The following RIMKLB variants were observed in gnomAD, a reference collection of about 807,000 sequenced individuals.
RIMKLB encodes the protein beta-citrylglutamate synthase B.
Under a neutral mutation model 32.0 loss-of-function variants are expected in RIMKLB, and 7 were observed. The ratio of observed to expected loss-of-function variants is 0.22; its 90% CI spans 0.12 to 0.41. The LOEUF is 0.41. Among genes scored for constraint, RIMKLB ranks in the 10% least tolerant of loss-of-function variants. The pLI is 1.00. For missense variants in RIMKLB, 289 were observed against 498.7 expected (o/e 0.58, Z 4.00); for synonymous variants, 172 against 185.1 (o/e 0.93, Z 0.57).
chr12:8,772,504 T>A (rs1387413192), intron 5 of RIMKLB, among the ~76,000 whole-genome samples: 3 of 152,236 alleles, frequency 2.0e-5, no homozygotes, highest in African/African-American at 7.2e-5. Context: ...TGAAGCAGAA[T>A]CATTTAATTC....
chr12:8,771,970 C>A (rs1007865038), intron 5 of RIMKLB, among the ~76,000 whole-genome samples: 2 of 152,158 alleles, frequency 1.3e-5, no homozygotes, highest in Non-Finnish European at 2.9e-5. Flanking sequence ...CTCACAGCAA[C>A]TTCCACCTCC....
At chr12:8,695,765 C>A (rs930959372), upstream of RIMKLB, among the ~76,000 whole-genome samples, 2 of 149,966 alleles carry the variant, frequency 1.3e-5, no homozygotes, top group African/African-American at 4.9e-5. Context: ...GGCACCATCT[C>A]GGCCTGAAAC....
intron 1 of RIMKLB, among the ~76,000 whole-genome samples, chr12:8,691,736 G>A (rs1182480552): frequency 6.6e-6 from 1 of 152,148 alleles, no homozygotes; most frequent in African/African-American, 2.4e-5. Flanking sequence ...ACTGAACAGG[G>A]CTCCCCAGTC....
intron 1 of RIMKLB, among the ~76,000 whole-genome samples, chr12:8,702,134 A>G (rs1943462858): frequency 1.3e-5 from 2 of 152,212 alleles, no homozygotes. Flanking sequence ...GTTCTGTTCC[A>G]TAACTTGTCA....
intron 5 of RIMKLB, among the ~76,000 whole-genome samples, chr12:8,763,087 G>A (rs1949668257): frequency 6.6e-6 from 1 of 152,180 alleles, no homozygotes; most frequent in Admixed American, 6.6e-5. Flanking sequence ...TTTACATTAT[G>A]AGATGTCCAC....
chr12:8,744,228 AGCCTTGG>A (rs1389101221), intron 2 of RIMKLB, among the ~76,000 whole-genome samples: 3 of 151,972 alleles, frequency 2.0e-5, no homozygotes, highest in African/African-American at 7.3e-5. Context: ...TCATCTTTCC[AGCCTTGG>A]ATCACTTCTG....
At chr12:8,757,470 CAAAA>C (rs55670138) in intron 5 of RIMKLB, among the ~76,000 whole-genome samples, 7 of 71,402 alleles carry the variant, frequency 9.8e-5, no homozygotes, top group African/African-American at 9.9e-5. Flanking sequence ...GACCCTGTCT[CAAAA>C]AAAAAAAAAA....
intron 5 of RIMKLB, among the ~76,000 whole-genome samples, chr12:8,766,495 G>T (rs1949977603): frequency 6.6e-6 from 1 of 152,130 alleles, no homozygotes; most frequent in Non-Finnish European, 1.5e-5. Flanking sequence ...GAGGGTGTAG[G>T]TAACCTTTTG....
rs1315623016 is a variant in RIMKLB, at chr12:8,774,023, C to T, written c.*239C>T. 1.5e-6 allele frequency: 2 copies of T among 1,301,232 alleles called. No individual in the cohort carries two copies. The highest frequency in any genetic ancestry group is 2.9e-5 in the East Asian group (1 of 34,870). 80.6% of individuals were successfully genotyped at this position (1,301,232 alleles called of 1,614,324 possible). On this transcript the variant is annotated 3_prime_UTR_variant, in exon 6 of 6. Transcript: ENST00000535829. ...GGGGTATAGAAAAATGTCAGGCTCT[C>T]ATAGTTACCCTTTTAAATTGCTAAA...
intron 2 of RIMKLB, among the ~76,000 whole-genome samples, chr12:8,726,840 A>G (rs2137199671): frequency 6.6e-6 from 1 of 152,222 alleles, no homozygotes; most frequent in Middle Eastern, 3.4e-3. Context: ...TTAACATATC[A>G]TGTTTGTTAC....
intron 1 of RIMKLB, among the ~76,000 whole-genome samples, chr12:8,692,146 C>T (rs1942751422): frequency 6.6e-6 from 1 of 152,064 alleles, no homozygotes; most frequent in African/African-American, 2.4e-5. Context: ...CTCCCAAAGA[C>T]AGGGAAATCA....
chr12:8,718,881 G>A (rs1164409124), intron 2 of RIMKLB, among the ~76,000 whole-genome samples: 1 of 152,084 alleles, frequency 6.6e-6, no homozygotes, highest in African/African-American at 2.4e-5. Flanking sequence ...ACATCATCAT[G>A]CAAAGTCCAT....
chr12:8,699,473 T>C (rs1349099412), intron 1 of RIMKLB, among the ~76,000 whole-genome samples: 1 of 152,230 alleles, frequency 6.6e-6, no homozygotes, highest in Admixed American at 6.5e-5. Flanking sequence ...TAAAACACTC[T>C]CTGAAATTCC....
chr12:8,775,859 A>G lies in RIMKLB; in HGVS notation c.*2075A>G. On this transcript the variant is annotated 3_prime_UTR_variant, in exon 6 of 6. Transcript: ENST00000535829. ...ATTCTAATTGCATTTAAAAGAACTT[A>G]TCTTGCGCAGGGTAAATGGGGGACT... 2 of 985,160 alleles carry G rather than the reference A, an allele frequency of 2.0e-6. No homozygotes were observed. Among genetic ancestry groups the G allele is most frequent in the East Asian group, 1.1e-4 (1 of 8,820 alleles). The allele number at this position is 985,160 out of a possible 1,614,324, so 61.0% of individuals were successfully genotyped here. A position where few individuals can be genotyped will look rare whatever the true frequency, so the allele number is the denominator to read the frequency against.
intron 5 of RIMKLB, among the ~76,000 whole-genome samples, chr12:8,763,552 A>AG (rs1949706696): frequency 6.6e-6 from 1 of 152,248 alleles, no homozygotes; most frequent in African/African-American, 2.4e-5. Context: ...AAGCCAATAT[A>AG]GGCTGGATAC....
intron 1 of RIMKLB, chr12:8,700,047 T>C (rs1461635686): frequency 6.6e-6 from 1 of 152,264 alleles, no homozygotes; most frequent in African/African-American, 2.4e-5. Flanking sequence ...CCCTGTTTAA[T>C]ATACTTTTGT....
At chr12:8,729,558 AT>A (rs1480341492) in intron 2 of RIMKLB, among the ~76,000 whole-genome samples, 1 of 152,026 alleles carries the variant, frequency 6.6e-6, no homozygotes, top group Non-Finnish European at 1.5e-5. Context: ...GGGGCAGGCC[AT>A]GGGTGGTTTT....
intron 2 of RIMKLB, among the ~76,000 whole-genome samples, chr12:8,725,519 C>A (rs916342510): frequency 6.6e-6 from 1 of 152,206 alleles, no homozygotes; most frequent in Non-Finnish European, 1.5e-5. Flanking sequence ...GGATGCTCTA[C>A]TTTCAAGTCA....
At chr12:8,710,252 C>G (rs1249509499) in intron 1 of RIMKLB, among the ~76,000 whole-genome samples, 2 of 151,384 alleles carry the variant, frequency 1.3e-5, no homozygotes, top group African/African-American at 4.9e-5. Flanking sequence ...CCTCAGCCTC[C>G]CAAAATGAAC....
Sources: allele counts gnomAD v4.1 joint callset (sites outside exome capture counted in the v4.1 genomes callset), GRCh38; gene constraint gnomAD v4.1.1; transcripts MANE v1.5; gene names NCBI Gene and HGNC (gene_info 2026-07-23, HGNC 2026-07-21).